The following ATRN variants were observed in gnomAD, a reference collection of about 807,000 sequenced individuals.
ATRN encodes the protein attractin-2.
In ATRN, 54 loss-of-function variants were observed where a neutral mutation model predicts 178.7. That is an observed-to-expected ratio of 0.30 (90% CI 0.24 to 0.38). ATRN has a LOEUF of 0.38. Among genes scored for constraint, ATRN ranks in the 10% least tolerant of loss-of-function variants. The pLI is 1.00. For missense variants in ATRN, 1,443 were observed against 1,815.1 expected, an observed-to-expected ratio of 0.79 and a Z score of 3.73; for synonymous variants, 636 against 663.0, an observed-to-expected ratio of 0.96 and a Z score of 0.63.
chr20:3,543,506 G>C (rs531921860), intron 3 of ATRN, among the ~76,000 whole-genome samples: 1 of 152,182 alleles, frequency 6.6e-6, no homozygotes, highest in Admixed American at 6.5e-5. Flanking sequence ...CGGATTGCCT[G>C]AGGTTAGGAG....
chr20:3,580,553 T>C (rs1288580334), intron 15 of ATRN, among the ~76,000 whole-genome samples: 1 of 152,210 alleles, frequency 6.6e-6, no homozygotes, highest in Non-Finnish European at 1.5e-5. Flanking sequence ...GGACAGAGGC[T>C]GGCTGGTAGA....
intron 24 of ATRN, among the ~76,000 whole-genome samples, chr20:3,618,356 C>G (rs953041769): frequency 7.9e-5 from 12 of 152,124 alleles, no homozygotes; most frequent in African/African-American, 2.9e-4. Flanking sequence ...AGGCAACTGC[C>G]AGAAGAACTG....
chr20:3,521,491 C>T (rs1194544280), intron 1 of ATRN, among the ~76,000 whole-genome samples: 3 of 152,160 alleles, frequency 2.0e-5, no homozygotes, highest in Non-Finnish European at 4.4e-5. Context: ...TTCTAAAATA[C>T]ATGAAGTACA....
At chr20:3,499,787 C>G (rs78160220) in intron 1 of ATRN, among the ~76,000 whole-genome samples, 2,011 of 150,324 alleles carry the variant, frequency 0.013, 37 homozygotes, top group African/African-American at 0.037. Flanking sequence ...AGGACTTCAT[C>G]TCTAAAACAC....
chr20:3,623,522 G>A (rs1005569977), intron 24 of ATRN, among the ~76,000 whole-genome samples: 11 of 152,206 alleles, frequency 7.2e-5, no homozygotes, highest in Non-Finnish European at 1.3e-4. Context: ...TAAAAACAGT[G>A]CAAGGGGTTG....
rs907192792 is a variant in ATRN at position 3,649,791 on chromosome 20, G to A, written c.*2944G>A. ...GTAGCAATCAGACTTTCCAAAAGGGGGTTCTCCATTTTTTGTAGTTTTGTC... is the reference window on the plus strand; with the variant it reads ...GTAGCAATCAGACTTTCCAAAAGGGAGTTCTCCATTTTTTGTAGTTTTGTC... On this transcript the variant is annotated 3_prime_UTR_variant, in exon 29 of 29. Transcript: ENST00000262919. The A allele has an allele frequency of 6.6e-6, 1 of 151,864 alleles. No individual in the cohort carries two copies. The highest frequency in any genetic ancestry group is 2.4e-5 in the African/African-American group (1 of 41,152). 9.4% of individuals were successfully genotyped at this position (151,864 alleles called of 1,614,324 possible).
intron 1 of ATRN, among the ~76,000 whole-genome samples, chr20:3,482,426 G>A (rs574153266): frequency 6.6e-5 from 10 of 152,070 alleles, no homozygotes; most frequent in South Asian, 6.2e-4. Context: ...ATTTTTTTGC[G>A]TGTTTTGATT....
intron 24 of ATRN, among the ~76,000 whole-genome samples, chr20:3,617,766 C>T (rs551538190): frequency 2.3e-4 from 35 of 152,286 alleles, no homozygotes; most frequent in Non-Finnish European, 4.3e-4. Context: ...AGGAGCATGC[C>T]TCTGCTGGGC....
In ATRN at chr20:3,649,354, A is replaced by C. The variant is rs913512711; in HGVS notation, c.*2507A>C. 1 of 152,662 alleles carries C rather than the reference A, an allele frequency of 6.6e-6. No homozygotes were observed. Among genetic ancestry groups the C allele is most frequent in the Admixed American group, 6.5e-5 (1 of 15,276 alleles). 9.5% of individuals were successfully genotyped at this position (152,662 alleles called of 1,614,324 possible). Reference sequence around the variant, plus strand: ...TGTTCAGACATTCGGAGTGTACATAAAACAGAAAAAATCTTCATGTATTTT... The same window carrying C: ...TGTTCAGACATTCGGAGTGTACATACAACAGAAAAAATCTTCATGTATTTT... On this transcript the variant is annotated 3_prime_UTR_variant, in exon 29 of 29. Coordinates refer to ENST00000262919, the MANE Select transcript of ATRN (RefSeq NM_139321.3).
At chr20:3,528,255 C>G (rs2085400629) in intron 1 of ATRN, among the ~76,000 whole-genome samples, 2 of 151,934 alleles carry the variant, frequency 1.3e-5, no homozygotes, top group South Asian at 4.2e-4. Context: ...GTAATCCCAG[C>G]TACTCAGGAG....
At position 3,630,964 on chromosome 20, in the gene ATRN, T is replaced by TTTTTTTTTTTTTTTTTTTTTG. The variant is rs1307722255; in HGVS notation, c.3864-3347_3864-3346insTTTTTTTTTTTTTTTTTTTTG. Among the ~76,000 whole-genome samples, 2 of 73,430 alleles carry TTTTTTTTTTTTTTTTTTTTTG rather than the reference T, an allele frequency of 2.7e-5. 1 individual carries two copies. The highest frequency in any genetic ancestry group is 5.0e-5 in the Non-Finnish European group (2 of 39,838). The allele number at this position is 73,430 out of a possible 152,430, so 48.2% of individuals were successfully genotyped here. A position where few individuals can be genotyped will look rare whatever the true frequency, so the allele number is the denominator to read the frequency against. ...TTTTTTTTTTTTTTTTTTTTTTTTTTGGGATAGGGTCTCTGTTGCCCAGGC... is the reference window on the plus strand; with the variant it reads ...TTTTTTTTTTTTTTTTTTTTTTTTTTTTTTTTTTTTTTTTTTTTTTGGGGATAGGGTCTCTGTTGCCCAGGC... On this transcript the variant is annotated intron_variant, in intron 25 of 28. Transcript: ENST00000262919.
chr20:3,610,742 C>CTTTTTTTT (rs71195847), intron 24 of ATRN, among the ~76,000 whole-genome samples: 1 of 65,272 alleles, frequency 1.5e-5, no homozygotes, highest in Non-Finnish European at 2.8e-5. Flanking sequence ...CTGGCTAATT[C>CTTTTTTTT]TTTTTTTTTT....
chr20:3,484,136 C>T (rs957148160), intron 1 of ATRN, among the ~76,000 whole-genome samples: 2 of 151,916 alleles, frequency 1.3e-5, no homozygotes, highest in Non-Finnish European at 2.9e-5. Flanking sequence ...GTAGTCTTAG[C>T]TACTTGGGAA....
At chr20:3,548,690 A>G (rs147076720) in intron 5 of ATRN, among the ~76,000 whole-genome samples, 4 of 152,160 alleles carry the variant, frequency 2.6e-5, no homozygotes, top group Admixed American at 6.5e-5. Context: ...GTTAAGTATT[A>G]TAAGTAATCT....
chr20:3,568,410 G>C (rs1436461645), intron 11 of ATRN, among the ~76,000 whole-genome samples: 1 of 152,120 alleles, frequency 6.6e-6, no homozygotes. Context: ...CACTTTGGGA[G>C]GCTAAGGCAG....
At chr20:3,560,641 T>G (rs1200908834) in intron 7 of ATRN, 21 bp from the exon 8 acceptor site, 2 of 1,567,446 alleles carry the variant, frequency 1.3e-6, no homozygotes, top group Non-Finnish European at 1.8e-6. Context: ...TTTAAAAATT[T>G]TGTTTGCATT....
At chr20:3,646,285 C>G (rs1270003255) in intron 28 of ATRN, among the ~76,000 whole-genome samples, 2 of 152,152 alleles carry the variant, frequency 1.3e-5, no homozygotes. Context: ...ATAAAGCGTG[C>G]TGCTGTTTCT....
At chr20:3,583,824 G>T in intron 16 of ATRN, 74 bp from the exon 17 acceptor site, 5 of 1,387,972 alleles carry the variant, frequency 3.6e-6, no homozygotes, top group Non-Finnish European at 5.0e-6. Flanking sequence ...AAAAAGAAAA[G>T]AAAGAAAGAA....
chr20:3,619,406 C>T (rs760113196), intron 24 of ATRN, among the ~76,000 whole-genome samples: 2 of 152,172 alleles, frequency 1.3e-5, no homozygotes, highest in African/African-American at 4.8e-5. Context: ...TTTATCCTTC[C>T]GACCAGAACG....
Sources: gnomAD v4.1 joint callset for allele counts (sites outside exome capture counted in the v4.1 genomes callset) on GRCh38, gnomAD v4.1.1 for gene constraint, MANE v1.5 for transcripts, NCBI Gene and HGNC (gene_info 2026-07-23, HGNC 2026-07-21) for gene names.